Variants in GPHN observed in about 807,000 individuals in gnomAD.
GPHN encodes gephyrin.
A neutral mutation model predicts 95.5 loss-of-function variants in GPHN; 17 were observed. That is an observed-to-expected ratio of 0.18 (90% CI 0.12 to 0.27). The LOEUF (loss-of-function observed/expected upper bound fraction) is 0.27. GPHN is among the 10% of genes least tolerant of loss of function. GPHN has a pLI of 1.00. For missense variants in GPHN, 660 were observed against 978.1 expected (o/e 0.67, Z 4.34); for synonymous variants, 320 against 322.5 (o/e 0.99, Z 0.08).
At chr14:66,583,021 T>C (rs1473295384) in intron 1 of GPHN, among the ~76,000 whole-genome samples, 3 of 152,102 alleles carry the variant, frequency 2.0e-5, no homozygotes, top group African/African-American at 4.8e-5. Context: ...AGTGTTCCTA[T>C]TTCTCCACAT....
chr14:67,659,950 T>G, the GPHN span: 1 of 1,601,850 alleles, frequency 6.2e-7, no homozygotes. Flanking sequence ...AGTGAGCAGA[T>G]AGCCTGGTTC....
chr14:67,523,523 G>A, the GPHN span, among the ~76,000 whole-genome samples: 1 of 152,152 alleles, frequency 6.6e-6, no homozygotes. Context: ...AATGCAAGAT[G>A]GTCTATAACA....
the GPHN span, among the ~76,000 whole-genome samples, chr14:67,315,262 T>A: frequency 6.7e-6 from 1 of 148,386 alleles, no homozygotes; most frequent in Admixed American, 6.9e-5. Flanking sequence ...CGGTTACTTA[T>A]TTTTAATTTT....
chr14:66,781,856 C>T (rs1044226933), intron 3 of GPHN, among the ~76,000 whole-genome samples: 2 of 152,194 alleles, frequency 1.3e-5, no homozygotes, highest in Middle Eastern at 3.4e-3. Flanking sequence ...CATCCTGGTA[C>T]TCATGTATAA....
At chr14:66,632,497 T>TC (rs1222443754) in intron 1 of GPHN, among the ~76,000 whole-genome samples, 1 of 149,610 alleles carries the variant, frequency 6.7e-6, no homozygotes, top group South Asian at 2.1e-4. Flanking sequence ...TTCTTTTTTT[T>TC]TTTTTTTTTT....
chr14:67,267,823 A>G, the GPHN span, among the ~76,000 whole-genome samples: 1 of 152,102 alleles, frequency 6.6e-6, no homozygotes, highest in Non-Finnish European at 1.5e-5. Context: ...ATTTTCTAGA[A>G]ATTTTGCACA....
chr14:67,299,482 A>G, the GPHN span, among the ~76,000 whole-genome samples: 4 of 152,212 alleles, frequency 2.6e-5, no homozygotes, highest in African/African-American at 9.6e-5. Flanking sequence ...TTAGTTTTAA[A>G]ATACAAAAGG....
the GPHN span, among the ~76,000 whole-genome samples, chr14:67,622,169 C>T: frequency 1.3e-5 from 2 of 152,144 alleles, no homozygotes; most frequent in Non-Finnish European, 2.9e-5. Flanking sequence ...CTGTTCAAGG[C>T]CATTTGCTCT....
chr14:67,646,918 C>A, the GPHN span: 1 of 1,563,648 alleles, frequency 6.4e-7, no homozygotes, highest in Admixed American at 1.7e-5. Flanking sequence ...TATCTCATCA[C>A]AGTTTTATTT....
intron 4 of GPHN, among the ~76,000 whole-genome samples, chr14:66,827,896 A>G (rs561254714): frequency 5.9e-5 from 9 of 152,072 alleles, no homozygotes; most frequent in Admixed American, 1.3e-4. Flanking sequence ...ATGGCATTGT[A>G]TATTTCATTA....
At position 66,920,975 on chromosome 14, in the gene GPHN, T is replaced by C. The variant is rs111746581; in HGVS notation, c.457-1691T>C. Among the ~76,000 whole-genome samples, 469 of 152,250 alleles carry C rather than the reference T, an allele frequency of 3.1e-3. 11 individuals carry two copies. Among genetic ancestry groups the C allele is most frequent in the African/African-American group, 0.011 (445 of 41,546 alleles). On this transcript the variant is annotated intron_variant, in intron 6 of 22. Coordinates refer to ENST00000478722, the MANE Select transcript of GPHN (RefSeq NM_020806.5). ...AATATACCATCATATATATATAAAA[T>C]AGTTTCTTTATCCACTCATTGATTG... is the stretch of plus-strand genomic sequence containing the variant.
At chr14:67,702,932 G>A in the GPHN span, among the ~76,000 whole-genome samples, 1 of 152,220 alleles carries the variant, frequency 6.6e-6, no homozygotes, top group South Asian at 2.1e-4. Flanking sequence ...TCCCACCTCA[G>A]CCTCCTGAGT....
chr14:67,646,687 C>T, the GPHN span: 1 of 1,613,818 alleles, frequency 6.2e-7, no homozygotes, highest in Non-Finnish European at 8.5e-7. Context: ...CCTTGTATCT[C>T]TTCTGCAAGT....
intron 16 of GPHN, among the ~76,000 whole-genome samples, chr14:67,116,251 CAG>C (rs1215490772): frequency 2.1e-5 from 3 of 140,978 alleles, no homozygotes; most frequent in Non-Finnish European, 4.6e-5. Flanking sequence ...GCCTGGGAAA[CAG>C]AGTGAGACAA....
chr14:66,922,598 A>G, intron 6 of GPHN, 68 bp from the exon 7 acceptor site: 2 of 1,252,406 alleles, frequency 1.6e-6, no homozygotes, highest in Admixed American at 4.2e-5. Flanking sequence ...AAACAGTTTG[A>G]TTGCCACCAT....
At chr14:67,722,921 C>T in the GPHN span, among the ~76,000 whole-genome samples, 1 of 152,196 alleles carries the variant, frequency 6.6e-6, no homozygotes, top group Non-Finnish European at 1.5e-5. Flanking sequence ...TGAGTTCTGG[C>T]CCCACCTGAG....
the GPHN span, chr14:67,735,193 A>G: frequency 7.1e-7 from 1 of 1,403,812 alleles, no homozygotes; most frequent in Non-Finnish European, 1.0e-6. Flanking sequence ...CCCCTTGTTC[A>G]GATTCCAGAC....
At chr14:66,802,368 A>G (rs2060387758) in intron 3 of GPHN, among the ~76,000 whole-genome samples, 1 of 152,128 alleles carries the variant, frequency 6.6e-6, no homozygotes, top group Non-Finnish European at 1.5e-5. Context: ...GGGGAGTGGT[A>G]TACCCTCTGG....
chr14:66,903,251 G>GTTT (rs574015984), intron 5 of GPHN, among the ~76,000 whole-genome samples: 57 of 152,176 alleles, frequency 3.7e-4, no homozygotes, highest in African/African-American at 1.4e-3. Context: ...ATCTATTAAT[G>GTTT]TTTGCTTTAT....
Sources: allele counts gnomAD v4.1 joint callset (sites outside exome capture counted in the v4.1 genomes callset), GRCh38; gene constraint gnomAD v4.1.1; transcripts MANE v1.5; gene names NCBI Gene and HGNC (gene_info 2026-07-23, HGNC 2026-07-21).